TBC1D8: variants seen among roughly 807,000 people sequenced by gnomAD.
TBC1D8 encodes BUB2-like protein 1.
TBC1D8 carries 65 observed loss-of-function variants against 118.8 expected under a neutral mutation model. The observed-to-expected ratio is 0.55, with a 90% confidence interval of 0.45 to 0.67. TBC1D8 has a LOEUF of 0.67. Ranked by LOEUF, TBC1D8 falls within the 30% of genes least tolerant of loss-of-function variation. TBC1D8 has a pLI of 0.00. For synonymous variants in TBC1D8, 566 were observed against 595.8 expected, an observed-to-expected ratio of 0.95 and a Z score of 0.73; for missense variants, 1,376 against 1,471.2, an observed-to-expected ratio of 0.94 and a Z score of 1.06.
At chr2:101,058,995 T>A (rs1479074687) in intron 3 of TBC1D8, among the ~76,000 whole-genome samples, 1 of 151,732 alleles carries the variant, frequency 6.6e-6, no homozygotes, top group Non-Finnish European at 1.5e-5. Context: ...AAGCACCACC[T>A]CCCGGGTTCA....
At chr2:101,142,434 T>C (rs1184391781) in intron 1 of TBC1D8, among the ~76,000 whole-genome samples, 1 of 152,122 alleles carries the variant, frequency 6.6e-6, no homozygotes, top group Non-Finnish European at 1.5e-5. Flanking sequence ...AAATATTCTC[T>C]AGAGAAATGT....
chr2:101,118,228 T>G (rs1391811973), intron 1 of TBC1D8, among the ~76,000 whole-genome samples: 2 of 152,142 alleles, frequency 1.3e-5, no homozygotes, highest in Admixed American at 6.5e-5. Context: ...TTCAGTACTT[T>G]TTTTTTCATT....
chr2:101,055,991 T>C (rs1480962732), intron 3 of TBC1D8, among the ~76,000 whole-genome samples: 1 of 151,404 alleles, frequency 6.6e-6, no homozygotes. Flanking sequence ...TCTCTAAAAA[T>C]ACACACATAT....
chr2:101,080,742 G>A (rs1454471481), intron 2 of TBC1D8, among the ~76,000 whole-genome samples: 1 of 152,076 alleles, frequency 6.6e-6, no homozygotes, highest in Non-Finnish European at 1.5e-5. Context: ...GTATGGGAAA[G>A]GGAAGGATTG....
intron 1 of TBC1D8, among the ~76,000 whole-genome samples, chr2:101,094,650 C>A (rs1574022178): frequency 6.6e-6 from 1 of 152,240 alleles, no homozygotes; most frequent in Non-Finnish European, 1.5e-5. Context: ...CTCTACAAGA[C>A]TCAGGTGCTT....
At chr2:101,129,330 A>G (rs1366364804) in intron 1 of TBC1D8, among the ~76,000 whole-genome samples, 1 of 152,020 alleles carries the variant, frequency 6.6e-6, no homozygotes, top group Non-Finnish European at 1.5e-5. Flanking sequence ...TTTAGTAGAC[A>G]CGGGGTTTCG....
chr2:101,070,459 CTGG>C (rs1683250683), intron 2 of TBC1D8, among the ~76,000 whole-genome samples: 1 of 149,808 alleles, frequency 6.7e-6, no homozygotes, highest in Non-Finnish European at 1.5e-5. Context: ...GTTGCCCAGG[CTGG>C]AGTGCAGTGG....
chr2:101,075,956 T>C (rs1249248885), intron 2 of TBC1D8, among the ~76,000 whole-genome samples: 1 of 152,128 alleles, frequency 6.6e-6, no homozygotes, highest in Non-Finnish European at 1.5e-5. Flanking sequence ...CATAATGAAA[T>C]GCTAAGAGCA....
In TBC1D8 at chr2:101,022,922, C is replaced by G. The variant is rs368796610; in HGVS notation, c.2521-401G>C. On this transcript the variant is annotated intron_variant, in intron 15 of 19. Transcript: ENST00000409318. ...CTTTGGGAGACCGAGGTGGGTGGAT[C>G]GTCTGCGCTCAAGATTTCGTGACCA... 3.9e-5 allele frequency among the ~76,000 whole-genome samples: 6 copies of G among 152,064 alleles called. No homozygotes were observed. In the East Asian group the frequency reaches 1.2e-3, roughly 30 times the overall value.
At chr2:101,074,403 T>C (rs1674668929) in intron 2 of TBC1D8, among the ~76,000 whole-genome samples, 1 of 152,182 alleles carries the variant, frequency 6.6e-6, no homozygotes, top group African/African-American at 2.4e-5. Flanking sequence ...ACTGAAAATA[T>C]TACCAAAATA....
chr2:101,053,021 T>A (rs1338555659), intron 4 of TBC1D8, among the ~76,000 whole-genome samples: 3 of 152,252 alleles, frequency 2.0e-5, no homozygotes, highest in Non-Finnish European at 2.9e-5. Context: ...AAGGAGCTTG[T>A]TCACACAGAG....
At chr2:101,113,717 A>AAG (rs1677701746) in intron 1 of TBC1D8, among the ~76,000 whole-genome samples, 1 of 152,198 alleles carries the variant, frequency 6.6e-6, no homozygotes, top group Non-Finnish European at 1.5e-5. Flanking sequence ...AAGACAACGC[A>AAG]AGAGTGCCTC....
chr2:101,076,391 A>C (rs551355429), intron 2 of TBC1D8, among the ~76,000 whole-genome samples: 48 of 152,368 alleles, frequency 3.2e-4, no homozygotes, highest in African/African-American at 1.1e-3. Flanking sequence ...CTTAGCATCA[A>C]TAGGAGTGAG....
In TBC1D8 at chr2:101,030,763, T is replaced by C. The variant is rs143911152; in HGVS notation, c.1937-987A>G. Among the ~76,000 whole-genome samples, 21 of 152,300 alleles carry C rather than the reference T, an allele frequency of 1.4e-4. No homozygotes were observed. The East Asian group carries it at 4.1e-3, about 29-fold the overall frequency. ...AACAACTCAAATGCGCATCAGCAGGTGACTGGACAAGCACACCAGTGAAAT... is the reference window on the plus strand; with the variant it reads ...AACAACTCAAATGCGCATCAGCAGGCGACTGGACAAGCACACCAGTGAAAT... On this transcript the variant is annotated intron_variant, in intron 11 of 19. Coordinates refer to ENST00000409318, the MANE Select transcript of TBC1D8 (RefSeq NM_001330348.2).
intron 2 of TBC1D8, among the ~76,000 whole-genome samples, chr2:101,087,054 G>C (rs565546892): frequency 6.6e-6 from 1 of 152,206 alleles, no homozygotes; most frequent in South Asian, 2.1e-4. Flanking sequence ...AAAGTGCTGG[G>C]ATTACAGGAG....
At chr2:101,008,625 C>T (rs1678932902) in intron 19 of TBC1D8, among the ~76,000 whole-genome samples, 1 of 151,786 alleles carries the variant, frequency 6.6e-6, no homozygotes, top group Admixed American at 6.6e-5. Flanking sequence ...CCAGCCCAAT[C>T]AACATGGAGA....
At chr2:101,085,376 A>C (rs980061206) in intron 2 of TBC1D8, among the ~76,000 whole-genome samples, 1 of 152,044 alleles carries the variant, frequency 6.6e-6, no homozygotes, top group East Asian at 1.9e-4. Context: ...ACTCCCCAGA[A>C]GCCAACCTAG....
intron 2 of TBC1D8, among the ~76,000 whole-genome samples, chr2:101,073,296 A>ATTTT (rs373693169): frequency 1.3e-5 from 1 of 76,014 alleles, no homozygotes; most frequent in African/African-American, 4.1e-5. Context: ...ATTTTATTTT[A>ATTTT]TTTATTTTTT....
At chr2:101,096,974 C>T (rs1427063771) in intron 1 of TBC1D8, among the ~76,000 whole-genome samples, 4 of 151,586 alleles carry the variant, frequency 2.6e-5, no homozygotes, top group Non-Finnish European at 4.4e-5. Context: ...AACCACAGAT[C>T]GAAAAAGAAC....
Sources: allele counts gnomAD v4.1 joint callset (sites outside exome capture counted in the v4.1 genomes callset), GRCh38; gene constraint gnomAD v4.1.1; transcripts MANE v1.5; gene names NCBI Gene and HGNC (gene_info 2026-07-23, HGNC 2026-07-21).